Variants in VNN1 observed in about 807,000 individuals in gnomAD.
VNN1 encodes the protein pantetheinase.
VNN1 carries 29 observed loss-of-function variants against 41.9 expected under a neutral mutation model. That is an observed-to-expected ratio of 0.69 (90% CI 0.52 to 0.94). The LOEUF (loss-of-function observed/expected upper bound fraction) is 0.94, where lower values mean the gene tolerates loss of function less well. Among genes scored for constraint, VNN1 ranks in the 40% least tolerant of loss-of-function variants. The probability of loss-of-function intolerance (pLI) is 0.00; values close to 1 mark genes in which losing one functional copy is unlikely to be tolerated. For synonymous variants in VNN1, 233 were observed against 224.4 expected, an observed-to-expected ratio of 1.04 and a Z score of -0.34; for missense variants, 637 against 621.1, an observed-to-expected ratio of 1.03 and a Z score of -0.27.
intron 5 of VNN1, among the ~76,000 whole-genome samples, chr6:132,691,198 A>G (rs1475963285): frequency 2.0e-5 from 3 of 152,362 alleles, no homozygotes; most frequent in Admixed American, 6.5e-5. Flanking sequence ...TGATTTGTCA[A>G]TTAGAAGTCA....
At position 132,711,890 on chromosome 6, in the gene VNN1, G is replaced by A. The variant is rs377265434; in HGVS notation, c.211-51C>T. The stretch of plus-strand genomic sequence containing the variant: ...AGGGGGGCCTGCAAGAGGAGCTGAG[G>A]AGCTGAGTGGCTGAGTAACAACTAT... On this transcript the variant is annotated intron_variant, in intron 1 of 6. Coordinates refer to ENST00000367928, the MANE Select transcript of VNN1 (RefSeq NM_004666.3). The A allele has an allele frequency of 8.8e-6, 14 of 1,596,944 alleles. No homozygotes were observed. In the East Asian group the frequency reaches 2.9e-4, roughly 34 times the overall value.
intron 5 of VNN1, among the ~76,000 whole-genome samples, chr6:132,691,285 TG>T (rs1778280350): frequency 6.6e-6 from 1 of 152,186 alleles, no homozygotes; most frequent in African/African-American, 2.4e-5. Flanking sequence ...TATGGAGAAC[TG>T]ACTGGATGGA....
intron 5 of VNN1, 41 bp downstream of exon 5, chr6:132,692,182 C>T (rs1431725578): frequency 2.3e-5 from 35 of 1,506,708 alleles, no homozygotes; most frequent in African/African-American, 2.8e-5. Flanking sequence ...AACTGAGTGT[C>T]TTTATTTTAT....
Position 132,692,679 on chromosome 6 carries a change from ACTCT to A in VNN1, c.827-99_827-96del, listed in dbSNP as rs573979283. On this transcript the variant is annotated intron_variant, in intron 4 of 6. Transcript: ENST00000367928. ...TATTTTAACCTCATATTCACATTTT[ACTCT>A]CTCTAAGTTATATGTTTTATTAATT... 386 of 1,418,056 alleles carry A rather than the reference ACTCT, an allele frequency of 2.7e-4. 3 individuals are homozygous for A. The highest frequency in any genetic ancestry group is 1.7e-3 in the South Asian group (114 of 66,586). 87.8% of individuals were successfully genotyped at this position (1,418,056 alleles called of 1,614,324 possible).
At chr6:132,698,438 A>G (rs1302777624) in intron 2 of VNN1, among the ~76,000 whole-genome samples, 1 of 152,266 alleles carries the variant, frequency 6.6e-6, no homozygotes, top group Non-Finnish European at 1.5e-5. Flanking sequence ...GAGCTGTCCA[A>G]GCATACAATG....
chr6:132,685,603 G>A (rs1778194151), intron 5 of VNN1, among the ~76,000 whole-genome samples: 1 of 152,120 alleles, frequency 6.6e-6, no homozygotes, highest in Non-Finnish European at 1.5e-5. Context: ...AATTGATTCA[G>A]CAGACCCAAG....
chr6:132,683,009 GTGTTTGTCTA>G lies in VNN1; in HGVS notation c.*121_*130del. 1.5e-6 allele frequency: 1 copy of G among 676,540 alleles called. No homozygotes were observed. The allele number at this position is 676,540 out of a possible 1,614,324, so 41.9% of individuals were successfully genotyped here. ...TAAGTTTATATTATCTGGTGTGTGT[GTGTTTGTCTA>G]AATAAAGAGAAACTAGTAATTCACT... On this transcript the variant is annotated 3_prime_UTR_variant, in exon 7 of 7. Transcript: ENST00000367928.
chr6:132,701,059 A>C (rs1778443091), intron 2 of VNN1, among the ~76,000 whole-genome samples: 1 of 152,238 alleles, frequency 6.6e-6, no homozygotes, highest in African/African-American at 2.4e-5. Flanking sequence ...CATCTGTGAA[A>C]CATTCAAATC....
intron 4 of VNN1, 123 bp from the exon 5 acceptor site, chr6:132,692,707 T>C (rs1409116112): frequency 9.2e-6 from 12 of 1,304,680 alleles, no homozygotes; most frequent in Non-Finnish European, 1.1e-5. Flanking sequence ...GTTTTATTAA[T>C]TTCAGTAAAA....
Position 132,693,112 on chromosome 6 carries a change from T to C in VNN1, c.738A>G (p.Ser246=). 1.2e-6 allele frequency: 2 copies of C among 1,614,170 alleles called. No homozygotes were observed. Among genetic ancestry groups the C allele is most frequent in the Non-Finnish European group, 1.7e-6 (2 of 1,180,008 alleles). The part of the protein sequence containing the change: ...TAWMNVLPHL[S]AVEFHSAWAM... ...CCCAAGCTGAGTGGAATTCAACAGC[T>C]GACAAATGTGGCAAAACATTCATCC... Residue 246 remains serine, a synonymous_variant, in exon 4 of 7, where the codon TCA becomes TCG. Transcript: ENST00000367928.
Position 132,681,327 on chromosome 6 carries a change from C to G in VNN1, c.*1813G>C, listed in dbSNP as rs922804007. Reference sequence around the variant, plus strand: ...TAAAGAATGGAGGCCTGGCAACCGCCGTGAGTGAGCTGAGAAGCAGATTTT... The same window carrying G: ...TAAAGAATGGAGGCCTGGCAACCGCGGTGAGTGAGCTGAGAAGCAGATTTT... On this transcript the variant is annotated 3_prime_UTR_variant, in exon 7 of 7. Coordinates refer to ENST00000367928, the MANE Select transcript of VNN1 (RefSeq NM_004666.3). Among the ~76,000 whole-genome samples, 1 of 152,116 alleles carries G rather than the reference C, an allele frequency of 6.6e-6. No homozygotes were observed. The highest frequency in any genetic ancestry group is 2.4e-5 in the African/African-American group (1 of 41,400).
chr6:132,713,522 C>A (rs1326394775), intron 1 of VNN1, among the ~76,000 whole-genome samples: 1 of 152,222 alleles, frequency 6.6e-6, no homozygotes, highest in Non-Finnish European at 1.5e-5. Context: ...CATTTATCCT[C>A]CATCCTCCAT....
At chr6:132,693,446 G>C in intron 3 of VNN1, 131 bp from the exon 4 acceptor site, 2 of 1,041,152 alleles carry the variant, frequency 1.9e-6, no homozygotes, top group Non-Finnish European at 2.7e-6. Flanking sequence ...CATGGGAAAT[G>C]AGTTTGCTTT....
Position 132,681,628 on chromosome 6 carries a change from C to A in VNN1, c.*1512G>T, listed in dbSNP as rs1376903774. On this transcript the variant is annotated 3_prime_UTR_variant, in exon 7 of 7. Transcript: ENST00000367928. ...TTTAATAATTCAAGCCTATCACCAA[C>A]ACATCAATATGTTTTCTGTTTTACA... 2.0e-5 allele frequency: 3 copies of A among 152,500 alleles called. No individual in the cohort carries two copies. Among genetic ancestry groups the A allele is most frequent in the Non-Finnish European group, 4.4e-5 (3 of 68,032 alleles). The allele number at this position is 152,500 out of a possible 1,614,324, so 9.4% of individuals were successfully genotyped here. A position where few individuals can be genotyped will look rare whatever the true frequency, so the allele number is the denominator to read the frequency against.
intron 2 of VNN1, among the ~76,000 whole-genome samples, chr6:132,696,797 A>G (rs1448698281): frequency 1.5e-5 from 2 of 136,648 alleles, no homozygotes; most frequent in African/African-American, 5.4e-5. Flanking sequence ...GGGAGGGGAG[A>G]GGAGGGGAGG....
intron 2 of VNN1, among the ~76,000 whole-genome samples, chr6:132,704,434 A>C (rs531295745): frequency 6.6e-6 from 1 of 152,172 alleles, no homozygotes; most frequent in South Asian, 2.1e-4. Flanking sequence ...AAACATACAG[A>C]ATTTAAACAA....
intron 1 of VNN1, among the ~76,000 whole-genome samples, chr6:132,712,697 T>C (rs1330479794): frequency 6.6e-6 from 1 of 152,224 alleles, no homozygotes; most frequent in Admixed American, 6.5e-5. Flanking sequence ...AACTGTCCCA[T>C]GCCTACAAGT....
At chr6:132,699,704 C>T (rs1195168093) in intron 2 of VNN1, 2 of 153,680 alleles carry the variant, frequency 1.3e-5, no homozygotes, top group Non-Finnish European at 2.9e-5. Flanking sequence ...TCTCCATATA[C>T]AGAAAATTTT....
Position 132,692,483 on chromosome 6 carries a change from G to T in VNN1, c.928C>A (p.His310Asn). The T allele has an allele frequency of 6.2e-7, 1 of 1,613,840 alleles. No individual in the cohort carries two copies. Among genetic ancestry groups the T allele is most frequent in the Non-Finnish European group, 8.5e-7 (1 of 1,180,008 alleles). The part of the protein sequence containing the change: ...LLSQLDSHPS[H>N]SAVVNWTSYA... Reference sequence around the variant, plus strand: ...GAAGTCCAGTTCACCACTGCAGAATGGGATGGGTGGGAATCCAGTTGCGAG... The same window carrying T: ...GAAGTCCAGTTCACCACTGCAGAATTGGATGGGTGGGAATCCAGTTGCGAG... The change falls in exon 5 of 7, where the codon CAT (histidine) becomes AAT (asparagine). Residue 310 changes from histidine (H) to asparagine (N), a missense_variant. Coordinates refer to ENST00000367928, the MANE Select transcript of VNN1 (RefSeq NM_004666.3).
Sources: gnomAD v4.1 joint callset for allele counts (sites outside exome capture counted in the v4.1 genomes callset) on GRCh38, gnomAD v4.1.1 for gene constraint, MANE v1.5 for transcripts, NCBI Gene and HGNC (gene_info 2026-07-23, HGNC 2026-07-21) for gene names.